IMMP2L: variants seen among roughly 807,000 people sequenced by gnomAD.
The protein encoded by IMMP2L is mitochondrial inner membrane protease subunit 2.
Under a neutral mutation model 19.3 loss-of-function variants are expected in IMMP2L, and 18 were observed. That is an observed-to-expected ratio of 0.93 (90% confidence interval 0.64 to 1.38). The LOEUF (loss-of-function observed/expected upper bound fraction) is 1.38. Ranked by LOEUF, IMMP2L falls within the 40% of genes most tolerant of loss-of-function variation. IMMP2L has a pLI of 0.00. For missense variants in IMMP2L, 233 were observed against 218.2 expected, an observed-to-expected ratio of 1.07 and a Z score of -0.43; for synonymous variants, 76 against 73.0, an observed-to-expected ratio of 1.04 and a Z score of -0.21.
intron 3 of IMMP2L, among the ~76,000 whole-genome samples, chr7:111,444,796 A>G (rs1431177140): frequency 6.6e-6 from 1 of 152,134 alleles, no homozygotes; most frequent in Non-Finnish European, 1.5e-5. Context: ...AACAGAAACT[A>G]TATGGCATAA....
chr7:111,538,816 TAAA>T (rs768599585), intron 1 of IMMP2L, among the ~76,000 whole-genome samples: 6 of 82,424 alleles, frequency 7.3e-5, no homozygotes, highest in South Asian at 3.7e-4. Flanking sequence ...CTGGCTCATT[TAAA>T]AAAAAAAAAA....
chr7:110,838,204 C>A (rs1804698151), intron 5 of IMMP2L, among the ~76,000 whole-genome samples: 1 of 152,050 alleles, frequency 6.6e-6, no homozygotes, highest in Admixed American at 6.6e-5. Flanking sequence ...AGCATGCACA[C>A]CACATAAATA....
At chr7:111,403,814 T>C (rs909940420) in intron 3 of IMMP2L, among the ~76,000 whole-genome samples, 9 of 152,118 alleles carry the variant, frequency 5.9e-5, no homozygotes, top group Admixed American at 2.6e-4. Flanking sequence ...TTGGGATCCT[T>C]TGATTACATG....
intron 3 of IMMP2L, among the ~76,000 whole-genome samples, chr7:111,451,401 T>A (rs983022575): frequency 1.3e-5 from 2 of 150,496 alleles, no homozygotes; most frequent in African/African-American, 4.9e-5. Flanking sequence ...GATGAGTTCA[T>A]GTCCTTTGTA....
At chr7:111,211,861 G>A (rs773810696) in intron 3 of IMMP2L, among the ~76,000 whole-genome samples, 11 of 152,082 alleles carry the variant, frequency 7.2e-5, no homozygotes, top group East Asian at 1.9e-4. Flanking sequence ...GCCGGGCATC[G>A]TGGCAGGCGC....
At chr7:111,534,654 A>G (rs1056924039) in intron 1 of IMMP2L, among the ~76,000 whole-genome samples, 3 of 152,174 alleles carry the variant, frequency 2.0e-5, no homozygotes, top group Non-Finnish European at 2.9e-5. Flanking sequence ...GCTATTTCTT[A>G]ATGTAAATTA....
chr7:110,892,750 C>T (rs139879866), intron 4 of IMMP2L, among the ~76,000 whole-genome samples: 1 of 152,148 alleles, frequency 6.6e-6, no homozygotes, highest in Admixed American at 6.6e-5. Flanking sequence ...ATTAAATTGA[C>T]AATAGAGTTC....
chr7:110,999,328 TG>T lies in IMMP2L; in HGVS notation c.240-35764del, dbSNP rs1408445469. On this transcript the variant is annotated intron_variant, in intron 3 of 5. Transcript: ENST00000405709. ...TCTTTTTTTTTTTTCTCATTTTCCATGGTTTTTTTTTTTGAGATTCTGGATT... is the reference window on the plus strand; with the variant it reads ...TCTTTTTTTTTTTTCTCATTTTCCATGTTTTTTTTTTTGAGATTCTGGATT... 9.6e-3 allele frequency among the ~76,000 whole-genome samples: 246 copies of T among 25,544 alleles called. 2 individuals are homozygous for T. Among genetic ancestry groups the T allele is most frequent in the South Asian group, 0.021 (7 of 338 alleles). 16.8% of individuals were successfully genotyped at this position (25,544 alleles called of 152,430 possible).
intron 4 of IMMP2L, among the ~76,000 whole-genome samples, chr7:110,932,353 GT>G (rs998999719): frequency 1.7e-4 from 26 of 149,794 alleles, no homozygotes; most frequent in African/African-American, 5.4e-4. Context: ...TGAGAATGCA[GT>G]TTTTTTTTTC....
At chr7:110,861,342 A>G (rs1277910682) in intron 5 of IMMP2L, among the ~76,000 whole-genome samples, 1 of 151,842 alleles carries the variant, frequency 6.6e-6, no homozygotes. Flanking sequence ...GCAGTGTTGC[A>G]ATATTGGCTC....
intron 3 of IMMP2L, among the ~76,000 whole-genome samples, chr7:111,275,331 G>T (rs573766958): frequency 6.6e-6 from 1 of 152,070 alleles, no homozygotes; most frequent in African/African-American, 2.4e-5. Flanking sequence ...AAATATTTCC[G>T]AGGAGAATTA....
rs1282326883 is a variant in IMMP2L at position 111,213,823 on chromosome 7, C to T, written c.240-250258G>A. Among the ~76,000 whole-genome samples the T allele has an allele frequency of 6.6e-6, 1 of 152,178 alleles. No homozygotes were observed. Among genetic ancestry groups the T allele is most frequent in the African/African-American group, 2.4e-5 (1 of 41,428 alleles). ...GACCTGCCTGCGGAGAGCTATCCAA[C>T]GTGGGTCTCCTCGGAGCTGTTCTGT... On this transcript the variant is annotated intron_variant, in intron 3 of 5. Transcript: ENST00000405709. This position sits in a 1 kb window ranked among gnomAD's most constrained non-coding sequence, Gnocchi z 4.8.
chr7:111,138,458 C>A (rs1048610756), intron 3 of IMMP2L, among the ~76,000 whole-genome samples: 3 of 152,162 alleles, frequency 2.0e-5, no homozygotes, highest in Non-Finnish European at 2.9e-5. Context: ...AAGGAAGTAG[C>A]TTGTCTTTCT....
chr7:111,181,446 G>A (rs1433243678), intron 3 of IMMP2L, among the ~76,000 whole-genome samples: 2 of 151,960 alleles, frequency 1.3e-5, no homozygotes, highest in African/African-American at 4.8e-5. Flanking sequence ...TTATTACCAT[G>A]TTCTAAATAA....
intron 3 of IMMP2L, chr7:111,097,202 A>C (rs2129579076): frequency 6.6e-6 from 1 of 151,994 alleles, no homozygotes; most frequent in Admixed American, 6.6e-5. Flanking sequence ...TTCCCTGAGG[A>C]ACAATGGAAG....
At chr7:110,774,395 G>A (rs376619004) in intron 5 of IMMP2L, among the ~76,000 whole-genome samples, 11 of 152,078 alleles carry the variant, frequency 7.2e-5, no homozygotes, top group Admixed American at 6.6e-4. Flanking sequence ...GCTTTTCCTG[G>A]CCCCAAGGCA....
intron 3 of IMMP2L, among the ~76,000 whole-genome samples, chr7:111,438,416 C>T (rs1455187924): frequency 6.6e-6 from 1 of 151,592 alleles, no homozygotes; most frequent in Non-Finnish European, 1.5e-5. Context: ...GTTTAAATTA[C>T]TATTATATTC....
In IMMP2L at chr7:110,902,700, G is replaced by A. The variant is rs1408305672; in HGVS notation, c.306-16005C>T. Among the ~76,000 whole-genome samples, 6 of 38,188 alleles carry A rather than the reference G, an allele frequency of 1.6e-4. 2 individuals are homozygous for A. Among genetic ancestry groups the A allele is most frequent in the African/African-American group, 6.3e-4 (4 of 6,384 alleles). The allele number at this position is 38,188 out of a possible 152,430, so 25.1% of individuals were successfully genotyped here. ...AGCACTTTGGGAGGCCGAGGCGGGC[G>A]GATCACGAGGTCAGGAGATCGAGAC... On this transcript the variant is annotated intron_variant, in intron 4 of 5. Coordinates refer to ENST00000405709, the MANE Select transcript of IMMP2L (RefSeq NM_032549.4).
At chr7:110,688,036 C>G (rs1793240423) in intron 5 of IMMP2L, among the ~76,000 whole-genome samples, 2 of 151,876 alleles carry the variant, frequency 1.3e-5, no homozygotes, top group Admixed American at 1.3e-4. Flanking sequence ...CACTGACAGT[C>G]CCTGGAGAAG....
Sources: allele counts gnomAD v4.1 joint callset (sites outside exome capture counted in the v4.1 genomes callset), GRCh38; gene constraint gnomAD v4.1.1; non-coding constraint Gnocchi (gnomAD v3.1); transcripts MANE v1.5; gene names NCBI Gene and HGNC (gene_info 2026-07-23, HGNC 2026-07-21).